Variants in USP12 observed in about 807,000 individuals in gnomAD.
USP12 encodes the protein ubiquitin carboxyl-terminal hydrolase 12.
Under a neutral mutation model 45.5 loss-of-function variants are expected in USP12, and 19 were observed. The ratio of observed to expected loss-of-function variants is 0.42; its 90% CI spans 0.29 to 0.61. The LOEUF (loss-of-function observed/expected upper bound fraction) is 0.61, where lower values mean the gene tolerates loss of function less well. USP12 is among the 20% of genes least tolerant of loss of function. The probability of loss-of-function intolerance (pLI) is 0.22; values close to 1 mark genes in which losing one functional copy is unlikely to be tolerated. For synonymous variants in USP12, 149 were observed against 148.8 expected, an observed-to-expected ratio of 1.00 and a Z score of -0.01; for missense variants, 242 against 447.7, an observed-to-expected ratio of 0.54 and a Z score of 4.15.
Position 27,129,678 on chromosome 13 carries a change from C to A in USP12, c.49-13082G>T, listed in dbSNP as rs1383533582. ...CTATGACCTGGGCGACAGAGTGAGA[C>A]CCTATCTCTTAATAATAATAATAGC... On this transcript the variant is annotated intron_variant, in intron 1 of 8. Transcript: ENST00000282344. The surrounding 1 kb of genome is among the most constrained non-coding windows in gnomAD (Gnocchi z 4.0). 2.0e-5 allele frequency among the ~76,000 whole-genome samples: 3 copies of A among 152,052 alleles called. No individual in the cohort carries two copies. Among genetic ancestry groups the A allele is most frequent in the South Asian group, 2.1e-4 (1 of 4,816 alleles).
At chr13:27,115,330 G>C (rs1458403357) in intron 2 of USP12, among the ~76,000 whole-genome samples, 2 of 152,178 alleles carry the variant, frequency 1.3e-5, no homozygotes, top group African/African-American at 4.8e-5. Context: ...TGGAGAGAGA[G>C]AAAGGTAAGG....
At chr13:27,145,463 C>G (rs961072829) in intron 1 of USP12, among the ~76,000 whole-genome samples, 2 of 152,128 alleles carry the variant, frequency 1.3e-5, no homozygotes, top group African/African-American at 4.8e-5. Context: ...CCTGCATAAC[C>G]ATTTTCTTCC....
intron 3 of USP12, among the ~76,000 whole-genome samples, chr13:27,103,607 A>AATAATAATAATAATAAT (rs1555234499): frequency 2.3e-4 from 29 of 128,510 alleles, no homozygotes; most frequent in African/African-American, 7.9e-4. Context: ...TCAAAAAAAA[A>AATAATAATAATAATAAT]AATAATAATA....
intron 3 of USP12, among the ~76,000 whole-genome samples, chr13:27,098,515 C>G (rs1020516363): frequency 6.6e-6 from 1 of 152,102 alleles, no homozygotes; most frequent in African/African-American, 2.4e-5. Flanking sequence ...TATCATTTTG[C>G]CCATCACTTT....
chr13:27,153,282 G>C lies in USP12; in HGVS notation c.48+18310C>G, dbSNP rs551353551. ...AGATCGTGCCACTGCACTCCAGCCT[G>C]GGCAACAGAGTGAGACTCCGTCTCA... On this transcript the variant is annotated intron_variant, in intron 1 of 8. Coordinates refer to ENST00000282344, the MANE Select transcript of USP12 (RefSeq NM_182488.4). Among the ~76,000 whole-genome samples, 892 of 152,268 alleles carry C rather than the reference G, an allele frequency of 5.9e-3. 6 individuals carry two copies. Among genetic ancestry groups the C allele is most frequent in the Non-Finnish European group, 7.5e-3 (507 of 68,032 alleles).
chr13:27,089,828 A>C, intron 6 of USP12, 55 bp downstream of exon 6: 2 of 1,557,570 alleles, frequency 1.3e-6, no homozygotes, highest in Non-Finnish European at 1.7e-6. Context: ...GCCCACCTCC[A>C]ACATCAATTA....
intron 1 of USP12, 55 bp downstream of exon 1, chr13:27,171,537 G>A: frequency 1.9e-6 from 2 of 1,031,556 alleles, no homozygotes; most frequent in Non-Finnish European, 2.4e-6. Flanking sequence ...GTCCAGCGCC[G>A]CCCGCCCGCC....
intron 2 of USP12, 83 bp downstream of exon 2, chr13:27,116,433 C>T: frequency 1.6e-6 from 2 of 1,238,818 alleles, no homozygotes; most frequent in Non-Finnish European, 2.2e-6. Context: ...GAACAATTTT[C>T]CTTTAATAAC....
chr13:27,114,228 T>A (rs769300970), intron 2 of USP12, among the ~76,000 whole-genome samples: 10 of 152,032 alleles, frequency 6.6e-5, no homozygotes, highest in Non-Finnish European at 1.0e-4. Context: ...AAAAAGCTAT[T>A]CAAAAAAATG....
chr13:27,138,766 GT>G (rs1202091455), intron 1 of USP12, among the ~76,000 whole-genome samples: 1 of 152,112 alleles, frequency 6.6e-6, no homozygotes, highest in Non-Finnish European at 1.5e-5. Context: ...TTCAGGTAGT[GT>G]TTGCCTTTTC....
intron 3 of USP12, among the ~76,000 whole-genome samples, chr13:27,103,574 A>C (rs541578770): frequency 1.6e-3 from 218 of 140,336 alleles, no homozygotes; most frequent in African/African-American, 5.4e-3. Flanking sequence ...TAAATACAAA[A>C]AGAATTAGTA....
chr13:27,155,308 C>G (rs2137836494), intron 1 of USP12, among the ~76,000 whole-genome samples: 1 of 151,912 alleles, frequency 6.6e-6, no homozygotes, highest in East Asian at 1.9e-4. Flanking sequence ...GTCTTGATCT[C>G]CTGACCTCGT....
chr13:27,121,098 C>T (rs1875961566), intron 1 of USP12, among the ~76,000 whole-genome samples: 1 of 152,062 alleles, frequency 6.6e-6, no homozygotes, highest in Admixed American at 6.6e-5. Context: ...GAGCATGAAG[C>T]CGAGATCTCT....
intron 1 of USP12, among the ~76,000 whole-genome samples, chr13:27,165,054 GC>G (rs1192862516): frequency 3.0e-5 from 3 of 100,302 alleles, no homozygotes; most frequent in South Asian, 4.7e-4. Flanking sequence ...AAGCTGGTGT[GC>G]TTTTTTTTTT....
chr13:27,114,855 G>T (rs958466427), intron 2 of USP12, among the ~76,000 whole-genome samples: 1 of 152,094 alleles, frequency 6.6e-6, no homozygotes, highest in Non-Finnish European at 1.5e-5. Context: ...AGGCATGGTG[G>T]TGTGTGCCTG....
chr13:27,089,707 T>C (rs1299882611), intron 6 of USP12, 176 bp downstream of exon 6: 3 of 601,520 alleles, frequency 5.0e-6, no homozygotes, highest in East Asian at 2.9e-5. Context: ...TTTTGTAAAA[T>C]AAACATTGAG....
At chr13:27,081,009 A>ATTTTTTTTTTTTTTTTTTTTTTTTTTT (rs372527345) in intron 6 of USP12, among the ~76,000 whole-genome samples, 1 of 114,622 alleles carries the variant, frequency 8.7e-6, no homozygotes, top group Non-Finnish European at 1.7e-5. Flanking sequence ...GGCTGAGGCA[A>ATTTTTTTTTTTTTTTTTTTTTTTTTTT]TTTTTTTTTT....
chr13:27,072,171 A>G (rs1740121389), intron 7 of USP12, among the ~76,000 whole-genome samples: 1 of 152,164 alleles, frequency 6.6e-6, no homozygotes, highest in African/African-American at 2.4e-5. Flanking sequence ...TAATGCTTTA[A>G]GTCTATTTCT....
At chr13:27,163,791 A>T (rs1408860640) in intron 1 of USP12, among the ~76,000 whole-genome samples, 1 of 150,230 alleles carries the variant, frequency 6.7e-6, no homozygotes, top group African/African-American at 2.4e-5. Context: ...AAAAAGAAAA[A>T]AAAAAAAGAA....
Sources: gnomAD v4.1 joint callset for allele counts (sites outside exome capture counted in the v4.1 genomes callset) on GRCh38, gnomAD v4.1.1 for gene constraint, Gnocchi (gnomAD v3.1) non-coding constraint, MANE v1.5 for transcripts, NCBI Gene and HGNC (gene_info 2026-07-23, HGNC 2026-07-21) for gene names.